The following SPMIP7 variants were observed in gnomAD, a reference collection of about 807,000 sequenced individuals.
SPMIP7 encodes the protein sperm microtubule inner protein 7.
chr7:50,102,200 C>T, the SPMIP7 span, among the ~76,000 whole-genome samples: 1 of 152,018 alleles, frequency 6.6e-6, no homozygotes, highest in Non-Finnish European at 1.5e-5. Context: ...GGCGCGTGCC[C>T]GTAATCCCAG....
chr7:50,108,537 A>G, the SPMIP7 span, among the ~76,000 whole-genome samples: 1 of 152,170 alleles, frequency 6.6e-6, no homozygotes, highest in East Asian at 1.9e-4. Context: ...AAAATATGAC[A>G]TAAATTTCAG....
the SPMIP7 span, among the ~76,000 whole-genome samples, chr7:50,137,859 T>C: frequency 6.6e-6 from 1 of 152,212 alleles, no homozygotes; most frequent in African/African-American, 2.4e-5. Flanking sequence ...TTTTACTTAC[T>C]GATTGTCACA....
the SPMIP7 span, among the ~76,000 whole-genome samples, chr7:50,131,200 A>C: frequency 2.0e-5 from 3 of 152,090 alleles, no homozygotes; most frequent in African/African-American, 7.2e-5. Flanking sequence ...TTTGTAAGCA[A>C]CGGTTGAGTT....
At chr7:50,147,104 A>G in the SPMIP7 span, among the ~76,000 whole-genome samples, 1 of 152,242 alleles carries the variant, frequency 6.6e-6, no homozygotes, top group Non-Finnish European at 1.5e-5. Flanking sequence ...AAACATTTAA[A>G]TGTGCATTTT....
chr7:50,156,946 C>T, the SPMIP7 span, among the ~76,000 whole-genome samples: 1 of 152,144 alleles, frequency 6.6e-6, no homozygotes, highest in Non-Finnish European at 1.5e-5. Context: ...CCTTCACTTC[C>T]TTCCTGCCCA....
chr7:50,132,287 A>G, the SPMIP7 span, among the ~76,000 whole-genome samples: 1 of 152,096 alleles, frequency 6.6e-6, no homozygotes. Context: ...TCATCTTAAA[A>G]ATGAAGGATG....
chr7:50,096,282 A>G, the SPMIP7 span: 1 of 1,551,778 alleles, frequency 6.4e-7, no homozygotes, highest in East Asian at 2.4e-5. Flanking sequence ...GCTTTTCTTA[A>G]ATTTCACCCT....
At chr7:50,155,568 C>T in the SPMIP7 span, among the ~76,000 whole-genome samples, 9 of 152,262 alleles carry the variant, frequency 5.9e-5, no homozygotes, top group Admixed American at 2.0e-4. Context: ...AAATCTCAGA[C>T]CCCACCCTGA....
the SPMIP7 span, among the ~76,000 whole-genome samples, chr7:50,152,984 G>A: frequency 1.3e-5 from 2 of 152,134 alleles, no homozygotes; most frequent in Non-Finnish European, 1.5e-5. Flanking sequence ...ACCGTGCCTG[G>A]CCTTATCAAA....
the SPMIP7 span, chr7:50,141,377 A>G: frequency 3.2e-6 from 5 of 1,543,698 alleles, no homozygotes; most frequent in Middle Eastern, 3.3e-4. Context: ...CTCTTTATAC[A>G]AACACAAGTC....
chr7:50,138,155 G>A, the SPMIP7 span, among the ~76,000 whole-genome samples: 1 of 152,026 alleles, frequency 6.6e-6, no homozygotes, highest in Admixed American at 6.5e-5. Context: ...TATTTTTAAA[G>A]CATTTGATTA....
chr7:50,136,908 TAGTC>T, the SPMIP7 span, among the ~76,000 whole-genome samples: 4 of 152,206 alleles, frequency 2.6e-5, no homozygotes, highest in Non-Finnish European at 5.9e-5. Context: ...GAATATGACA[TAGTC>T]TGTGTGTATG....
the SPMIP7 span, among the ~76,000 whole-genome samples, chr7:50,104,928 C>A: frequency 6.6e-6 from 1 of 152,196 alleles, no homozygotes; most frequent in Non-Finnish European, 1.5e-5. Context: ...ACTGGAACAA[C>A]AATCCTCTCT....
At chr7:50,149,093 C>T in the SPMIP7 span, among the ~76,000 whole-genome samples, 6 of 151,844 alleles carry the variant, frequency 4.0e-5, no homozygotes, top group South Asian at 6.3e-4. Context: ...TGCAGTGAGC[C>T]GAGATTGTGC....
the SPMIP7 span, chr7:50,159,202 C>G: frequency 1.3e-6 from 2 of 1,544,448 alleles, no homozygotes. Flanking sequence ...GTCCAGGCCT[C>G]CGCCTGGGGA....
chr7:50,128,160 G>T, the SPMIP7 span, among the ~76,000 whole-genome samples: 5 of 151,928 alleles, frequency 3.3e-5, no homozygotes, highest in East Asian at 1.9e-4. Context: ...TCTGTCATTT[G>T]TACCAACGTG....
At chr7:50,133,220 TTTG>T in the SPMIP7 span, among the ~76,000 whole-genome samples, 3 of 129,074 alleles carry the variant, frequency 2.3e-5, no homozygotes, top group African/African-American at 6.3e-5. Context: ...GATCCCCATA[TTTG>T]TGTGTGTGTG....
At chr7:50,154,718 C>T in the SPMIP7 span, among the ~76,000 whole-genome samples, 2 of 152,134 alleles carry the variant, frequency 1.3e-5, no homozygotes, top group African/African-American at 4.8e-5. Flanking sequence ...ATTTCATTTC[C>T]TTTGAGTGTA....
chr7:50,100,460 C>G, the SPMIP7 span, among the ~76,000 whole-genome samples: 1 of 152,110 alleles, frequency 6.6e-6, no homozygotes, highest in South Asian at 2.1e-4. Flanking sequence ...AGAGGAAGTT[C>G]AGAGTTTCCT....
Sources: gnomAD v4.1 joint callset for allele counts (sites outside exome capture counted in the v4.1 genomes callset) on GRCh38, gnomAD v4.1.1 for gene constraint, MANE v1.5 for transcripts, NCBI Gene and HGNC (gene_info 2026-07-23, HGNC 2026-07-21) for gene names.